NEDD4L: variants seen among roughly 807,000 people sequenced by gnomAD.
NEDD4L encodes E3 ubiquitin-protein ligase NEDD4-like.
A neutral mutation model predicts 148.9 loss-of-function variants in NEDD4L; 54 were observed. The ratio of observed to expected loss-of-function variants is 0.36; its 90% confidence interval spans 0.29 to 0.45. The LOEUF (loss-of-function observed/expected upper bound fraction) is 0.45. NEDD4L is among the 20% of genes least tolerant of loss of function. The probability of loss-of-function intolerance (pLI) is 1.00; values close to 1 mark genes in which losing one functional copy is unlikely to be tolerated. For missense variants in NEDD4L, 856 were observed against 1,233.8 expected (o/e 0.69, Z 4.59); for synonymous variants, 433 against 440.7 (o/e 0.98, Z 0.22).
chr18:58,175,763 G>A (rs767795990), intron 2 of NEDD4L, among the ~76,000 whole-genome samples: 3 of 152,068 alleles, frequency 2.0e-5, no homozygotes, highest in Admixed American at 6.6e-5. Flanking sequence ...ACTCCCTCCC[G>A]CAAATATAGA....
In NEDD4L at chr18:58,256,238, G is replaced by A. The variant is rs1223636375; in HGVS notation, c.297+4184G>A. 40 of 1,229,056 alleles carry A rather than the reference G, an allele frequency of 3.3e-5. 1 individual carries two copies. The Admixed American group carries it at 5.1e-4, about 16-fold the overall frequency. The allele number at this position is 1,229,056 out of a possible 1,614,324, so 76.1% of individuals were successfully genotyped here. ...CATCCAGCACCGCGCCTCCAGCGCC[G>A]ACGTGCGCCAGGTGAGGCTGCTGCC... On this transcript the variant is annotated intron_variant, in intron 5 of 30. Coordinates refer to ENST00000400345, the MANE Select transcript of NEDD4L (RefSeq NM_001144967.3). This position sits in a 1 kb window ranked among gnomAD's most constrained non-coding sequence, Gnocchi z 5.2.
intron 18 of NEDD4L, among the ~76,000 whole-genome samples, chr18:58,353,541 G>C (rs2044195562): frequency 6.6e-6 from 1 of 152,182 alleles, no homozygotes. Flanking sequence ...AATTCATCAA[G>C]GTTTACTCAA....
chr18:58,106,255 T>C (rs1480803120), intron 1 of NEDD4L, among the ~76,000 whole-genome samples: 1 of 152,198 alleles, frequency 6.6e-6, no homozygotes, highest in African/African-American at 2.4e-5. Flanking sequence ...TCACTTTGGG[T>C]TGTGGAAGTT....
intron 2 of NEDD4L, among the ~76,000 whole-genome samples, chr18:58,196,724 T>C (rs1365577714): frequency 1.3e-5 from 2 of 149,096 alleles, no homozygotes; most frequent in African/African-American, 4.9e-5. Flanking sequence ...TTTTTTTTTT[T>C]TTTTTTTTTT....
chr18:58,363,174 C>T (rs1006337912), intron 19 of NEDD4L, among the ~76,000 whole-genome samples: 20 of 152,166 alleles, frequency 1.3e-4, no homozygotes, highest in South Asian at 1.2e-3. Flanking sequence ...TGTTTTGTTT[C>T]GGGTTTTTTA....
At chr18:58,094,199 T>C (rs2084242440) in intron 1 of NEDD4L, among the ~76,000 whole-genome samples, 1 of 151,888 alleles carries the variant, frequency 6.6e-6, no homozygotes, top group Non-Finnish European at 1.5e-5. Flanking sequence ...CTTTTCTTTT[T>C]TTTGAGATAG....
chr18:58,369,443 G>A (rs11152068), intron 22 of NEDD4L, among the ~76,000 whole-genome samples: 42 of 46,252 alleles, frequency 9.1e-4, no homozygotes, highest in East Asian at 2.0e-3. Context: ...GAATGTCCCT[G>A]TCGGCAGGGC....
chr18:58,134,077 C>T (rs143221205), intron 1 of NEDD4L, among the ~76,000 whole-genome samples: 5 of 152,130 alleles, frequency 3.3e-5, no homozygotes, highest in Non-Finnish European at 7.4e-5. Context: ...CCTGGCTCAC[C>T]GCAACCTCCA....
intron 1 of NEDD4L, among the ~76,000 whole-genome samples, chr18:58,079,732 G>T (rs1368040161): frequency 1.3e-5 from 2 of 152,140 alleles, no homozygotes; most frequent in Admixed American, 6.5e-5. Context: ...ATTTCCCTGG[G>T]ACTGGGATTG....
At chr18:58,306,184 T>C (rs2057035227) in intron 5 of NEDD4L, among the ~76,000 whole-genome samples, 1 of 151,962 alleles carries the variant, frequency 6.6e-6, no homozygotes, top group South Asian at 2.1e-4. Context: ...AAATGATTTC[T>C]CTAGAATTGT....
chr18:58,341,113 A>G lies in NEDD4L; in HGVS notation c.1201A>G (p.Thr401Ala). The change falls in exon 14 of 31, where the codon ACA (threonine) becomes GCA (alanine). Residue 401 changes from threonine to alanine, a missense_variant. Thr to Ala is a moderately conservative substitution (Grantham distance 58). Around this residue, in one of 4 missense-constraint regions of NEDD4L, gnomAD observed 367 missense variants for 422.7 expected, o/e 0.87. Transcript: ENST00000400345. The stretch of plus-strand genomic sequence containing the variant: ...AGAAAGAAAAGATGCTAAGGGGCGC[A>G]CATACTATGTCAATCATAACAATCG... Reference protein sequence around the residue: ...WEERKDAKGRTYYVNHNNRTT... With the variant: ...WEERKDAKGRAYYVNHNNRTT... 1 of 1,612,586 alleles carries G rather than the reference A, an allele frequency of 6.2e-7. No homozygotes were observed. Among genetic ancestry groups the G allele is most frequent in the Non-Finnish European group, 8.5e-7 (1 of 1,179,380 alleles).
intron 1 of NEDD4L, among the ~76,000 whole-genome samples, chr18:58,132,028 C>A (rs878990788): frequency 6.6e-6 from 1 of 152,214 alleles, no homozygotes; most frequent in Admixed American, 6.5e-5. Context: ...AGTGCATTCT[C>A]TTTCCTTTAC....
chr18:58,399,617 A>G lies in NEDD4L; in HGVS notation c.*3348A>G, dbSNP rs2050723542. 1 of 152,150 alleles carries G rather than the reference A, an allele frequency of 6.6e-6. No homozygotes were observed. The highest frequency in any genetic ancestry group is 2.4e-5 in the African/African-American group (1 of 41,410). The allele number at this position is 152,150 out of a possible 1,614,324, so 9.4% of individuals were successfully genotyped here. On this transcript the variant is annotated 3_prime_UTR_variant, in exon 31 of 31. Coordinates refer to ENST00000400345, the MANE Select transcript of NEDD4L (RefSeq NM_001144967.3). ...TTCTTCTGCCTCAGCCTCCCCGAATAGTTGGGATTACAGGCACCCACCACC... is the reference window on the plus strand; with the variant it reads ...TTCTTCTGCCTCAGCCTCCCCGAATGGTTGGGATTACAGGCACCCACCACC...
intron 24 of NEDD4L, among the ~76,000 whole-genome samples, chr18:58,382,923 C>A (rs1040627981): frequency 6.6e-6 from 1 of 152,142 alleles, no homozygotes; most frequent in Non-Finnish European, 1.5e-5. Context: ...GTACCCTGTT[C>A]TTTTCTCTGT....
intron 2 of NEDD4L, among the ~76,000 whole-genome samples, chr18:58,185,806 G>A (rs2147083433): frequency 6.6e-6 from 1 of 152,254 alleles, no homozygotes; most frequent in East Asian, 1.9e-4. Flanking sequence ...CCAGGAGGCA[G>A]AGGTTGCAGT....
At chr18:58,396,117 G>A (rs371868893) in intron 30 of NEDD4L, 50 bp from the exon 31 acceptor site, 61 of 1,232,106 alleles carry the variant, frequency 5.0e-5, no homozygotes, top group Non-Finnish European at 6.4e-5. Context: ...TAACCAGATC[G>A]AGGAAGTGCT....
chr18:58,162,694 T>C (rs1315136095), intron 1 of NEDD4L, among the ~76,000 whole-genome samples: 2 of 151,334 alleles, frequency 1.3e-5, no homozygotes, highest in Non-Finnish European at 2.9e-5. Flanking sequence ...GTCTGGCACG[T>C]GATGGGTACT....
At chr18:58,050,094 AAT>A (rs2081796071) in intron 1 of NEDD4L, among the ~76,000 whole-genome samples, 1 of 152,092 alleles carries the variant, frequency 6.6e-6, no homozygotes, top group Admixed American at 6.5e-5. Context: ...AGTTTTATTA[AAT>A]CAGAATGTTA....
At chr18:58,309,457 T>G (rs1406196922) in intron 5 of NEDD4L, among the ~76,000 whole-genome samples, 1 of 152,048 alleles carries the variant, frequency 6.6e-6, no homozygotes, top group East Asian at 1.9e-4. Flanking sequence ...TGTCCAGAGC[T>G]CCAAAGCCCC....
Sources: gnomAD v4.1 joint callset for allele counts (sites outside exome capture counted in the v4.1 genomes callset) on GRCh38, gnomAD v4.1.1 for gene constraint, gnomAD v4.1.1 regional missense constraint, Gnocchi (gnomAD v3.1) non-coding constraint, MANE v1.5 for transcripts, NCBI Gene and HGNC (gene_info 2026-07-23, HGNC 2026-07-21) for gene names.